Variants in NXPE4 observed in about 807,000 individuals in gnomAD.
NXPE4 encodes the protein neurexophilin and PC-esterase domain family member 4.
Under a neutral mutation model 33.3 loss-of-function variants are expected in NXPE4, and 42 were observed. The ratio of observed to expected loss-of-function variants is 1.26; its 90% CI spans 0.98 to 1.63. The LOEUF is 1.63. Among genes scored for constraint, NXPE4 ranks in the 40% most tolerant of loss-of-function variants. The pLI, the probability that NXPE4 is intolerant of heterozygous loss-of-function variation, is 0.00. For synonymous variants in NXPE4, 253 were observed against 234.9 expected (o/e 1.08, Z -0.71); for missense variants, 709 against 647.6 (o/e 1.09, Z -1.03).
At chr11:114,617,743 G>T in the NXPE4 span, among the ~76,000 whole-genome samples, 1 of 152,112 alleles carries the variant, frequency 6.6e-6, no homozygotes, top group African/African-American at 2.4e-5. Context: ...TTGCCTCCTT[G>T]GTAACCACTG....
chr11:114,572,452 T>A (rs996202931), intron 5 of NXPE4, among the ~76,000 whole-genome samples: 1 of 151,980 alleles, frequency 6.6e-6, no homozygotes, highest in African/African-American at 2.4e-5. Flanking sequence ...GAAGTCCAAC[T>A]TAAATTAAAA....
At chr11:114,579,495 C>T (rs571171071) in intron 5 of NXPE4, among the ~76,000 whole-genome samples, 4 of 152,250 alleles carry the variant, frequency 2.6e-5, no homozygotes, top group African/African-American at 9.6e-5. Context: ...TCTGTTAGAC[C>T]CCAAGCCCAT....
At chr11:114,600,752 A>G (rs898685333), upstream of NXPE4, among the ~76,000 whole-genome samples, 2 of 152,102 alleles carry the variant, frequency 1.3e-5, no homozygotes, top group Admixed American at 6.6e-5. Context: ...TTACTAGTGT[A>G]CCAATGTTAA....
chr11:114,625,081 C>A, the NXPE4 span, among the ~76,000 whole-genome samples: 2 of 152,158 alleles, frequency 1.3e-5, no homozygotes, highest in Non-Finnish European at 2.9e-5. Flanking sequence ...CCGTGGGTAA[C>A]CACCATTACC....
At chr11:114,571,543 G>A (rs481080) in intron 5 of NXPE4, 70 bp from the exon 6 acceptor site, 653,469 of 1,302,788 alleles carry the variant, frequency 0.5, 171,148 homozygotes, top group African/African-American at 0.85. Context: ...ATATAAAGAT[G>A]GAAGAGATTT....
At position 114,580,186 on chromosome 11, in the gene NXPE4, T is replaced by C; in HGVS notation, c.1045A>G (p.Met349Val). The C allele has an allele frequency of 6.2e-7, 1 of 1,614,044 alleles. No homozygotes were observed. ...CACTGGCGGATCGTGGAATCTCCCATTAGGTATATGAGTTTTCCTCTCAGG... is the reference window on the plus strand; with the variant it reads ...CACTGGCGGATCGTGGAATCTCCCACTAGGTATATGAGTTTTCCTCTCAGG... The part of the protein sequence containing the change: ...ECLRGKLIYL[M>V]GDSTIRQWME... The change falls in exon 5 of 6, where the codon ATG becomes GTG. Residue 349 changes from methionine (M) to valine (V), a missense_variant. Transcript: ENST00000375478.
the NXPE4 span, among the ~76,000 whole-genome samples, chr11:114,606,915 A>C: frequency 6.6e-6 from 1 of 151,830 alleles, no homozygotes; most frequent in South Asian, 2.1e-4. Context: ...CCGGTGGATA[A>C]TAAGTATTGT....
chr11:114,622,594 C>G, the NXPE4 span, among the ~76,000 whole-genome samples: 2 of 140,078 alleles, frequency 1.4e-5, no homozygotes, highest in African/African-American at 5.4e-5. Flanking sequence ...GGGTAATAAG[C>G]ATTACCTCGT....
At chr11:114,622,369 C>T in the NXPE4 span, among the ~76,000 whole-genome samples, 4 of 152,140 alleles carry the variant, frequency 2.6e-5, no homozygotes, top group African/African-American at 9.7e-5. Context: ...ACCACTGTTA[C>T]CAAGTGGATA....
the NXPE4 span, among the ~76,000 whole-genome samples, chr11:114,625,141 T>A: frequency 7.2e-5 from 11 of 152,146 alleles, 1 homozygote; most frequent in Admixed American, 5.9e-4. Context: ...AATGACTGGA[T>A]AATAAGTATT....
chr11:114,598,274 C>A (rs112540244), upstream of NXPE4, among the ~76,000 whole-genome samples: 33 of 24,058 alleles, frequency 1.4e-3, no homozygotes, highest in African/African-American at 5.4e-3. Flanking sequence ...ACCTGGGCAG[C>A]TCTGCCCCTG....
the NXPE4 span, among the ~76,000 whole-genome samples, chr11:114,665,417 CA>C: frequency 6.6e-6 from 1 of 152,174 alleles, no homozygotes; most frequent in Non-Finnish European, 1.5e-5. Context: ...AACCTGATTT[CA>C]ATCCCATTTT....
chr11:114,580,479 C>A, intron 4 of NXPE4, 141 bp from the exon 5 acceptor site: 1 of 652,046 alleles, frequency 1.5e-6, no homozygotes, highest in Non-Finnish European at 2.6e-6. Context: ...GAAGTATTCT[C>A]TTAATGGAAC....
chr11:114,635,417 C>T, the NXPE4 span, among the ~76,000 whole-genome samples: 1 of 151,274 alleles, frequency 6.6e-6, no homozygotes, highest in Non-Finnish European at 1.5e-5. Context: ...CAAACAGGGA[C>T]AATTTGACTT....
chr11:114,604,168 G>A, the NXPE4 span, among the ~76,000 whole-genome samples: 8 of 152,040 alleles, frequency 5.3e-5, no homozygotes, highest in East Asian at 7.8e-4. Context: ...GTATTGCCTC[G>A]CAGTTAACTA....
chr11:114,664,103 GC>G, the NXPE4 span, among the ~76,000 whole-genome samples: 2 of 152,238 alleles, frequency 1.3e-5, no homozygotes, highest in East Asian at 3.9e-4. Context: ...ATTCACAATT[GC>G]CAAAACTGGA....
At chr11:114,632,874 A>G in the NXPE4 span, among the ~76,000 whole-genome samples, 2 of 65,828 alleles carry the variant, frequency 3.0e-5, no homozygotes, top group Non-Finnish European at 5.3e-5. Flanking sequence ...ATATAATTAT[A>G]TAATTATATA....
chr11:114,643,185 A>T, the NXPE4 span, among the ~76,000 whole-genome samples: 181 of 151,898 alleles, frequency 1.2e-3, 2 homozygotes, highest in South Asian at 9.1e-3. Flanking sequence ...GATTGCAAAA[A>T]TTTTCTCCCA....
chr11:114,616,834 A>G, the NXPE4 span, among the ~76,000 whole-genome samples: 196 of 151,916 alleles, frequency 1.3e-3, 8 homozygotes, highest in African/African-American at 4.5e-3. Context: ...AACCACTGTT[A>G]CCCAGTAGAT....
Sources: allele counts gnomAD v4.1 joint callset (sites outside exome capture counted in the v4.1 genomes callset), GRCh38; gene constraint gnomAD v4.1.1; transcripts MANE v1.5; gene names NCBI Gene and HGNC (gene_info 2026-07-23, HGNC 2026-07-21).